ADRA1A: variants seen among roughly 807,000 people sequenced by gnomAD.
ADRA1A encodes alpha-1A adrenergic receptor.
A neutral mutation model predicts 29.6 loss-of-function variants in ADRA1A; 31 were observed. The ratio of observed to expected loss-of-function variants is 1.05; its 90% CI spans 0.79 to 1.41. The LOEUF (loss-of-function observed/expected upper bound fraction) is 1.41. ADRA1A is among the 40% of genes most tolerant of loss of function. The pLI, the probability that ADRA1A is intolerant of heterozygous loss-of-function variation, is 0.00. For missense variants in ADRA1A, 619 were observed against 601.1 expected, an observed-to-expected ratio of 1.03 and a Z score of -0.31; for synonymous variants, 311 against 254.3, an observed-to-expected ratio of 1.22 and a Z score of -2.12.
Position 26,770,639 on chromosome 8 carries a change from G to A in ADRA1A, c.911C>T (p.Ser304Phe). The change falls in exon 3 of 3, where the codon TCT (serine) becomes TTT (phenylalanine). Residue 304 changes from serine (S) to phenylalanine (F), a missense_variant. Ser to Phe is a radical substitution (Grantham distance 155, BLOSUM62 -2). Coordinates refer to ENST00000380573, the MANE Select transcript of ADRA1A (RefSeq NM_000680.4). The stretch of plus-strand genomic sequence containing the variant: ...AAATACTATTTTAAAAACTGTTTCA[G>A]AGGGCTTGAAATCAGGGAAGAAAGA... ...IGSFFPDFKPSETVFKIVFWL... is the reference protein window; with the variant it reads ...IGSFFPDFKPFETVFKIVFWL... 3 of 1,612,948 alleles carry A rather than the reference G, an allele frequency of 1.9e-6. No individual in the cohort carries two copies. Among genetic ancestry groups the A allele is most frequent in the Non-Finnish European group, 2.5e-6 (3 of 1,179,260 alleles).
At chr8:26,838,090 G>C (rs1811520875) in intron 2 of ADRA1A, among the ~76,000 whole-genome samples, 1 of 152,140 alleles carries the variant, frequency 6.6e-6, no homozygotes, top group Non-Finnish European at 1.5e-5. Context: ...CCAAGTAGTT[G>C]AGTACAAACC....
rs1327190674 is a variant in ADRA1A at position 26,866,772 on chromosome 8, CAGA to C, written c.-687+161_-687+163del. Among the ~76,000 whole-genome samples, 1 of 152,068 alleles carries C rather than the reference CAGA, an allele frequency of 6.6e-6. No individual in the cohort carries two copies. Among genetic ancestry groups the C allele is most frequent in the African/African-American group, 2.4e-5 (1 of 41,394 alleles). ...ACTTGTTCAGTAGAAGGCAACTTCG[CAGA>C]AGATGTAAGGGAATCGGGGGTGGGG... is the stretch of plus-strand genomic sequence containing the variant. On this transcript the variant is annotated intron_variant, in intron 1 of 2. Coordinates refer to ENST00000380573, the MANE Select transcript of ADRA1A (RefSeq NM_000680.4). This position sits in a 1 kb window ranked among gnomAD's most constrained non-coding sequence, Gnocchi z 5.7.
rs181722729 is a variant in ADRA1A, at chr8:26,842,348, G to T, written c.883+21739C>A. ...TTTCACTTAAACACCATCATTTCAG[G>T]CAAAATATGATCAATACTAAAGGTT... On this transcript the variant is annotated intron_variant, in intron 2 of 2. Coordinates refer to ENST00000380573, the MANE Select transcript of ADRA1A (RefSeq NM_000680.4). Among the ~76,000 whole-genome samples the T allele has an allele frequency of 5.3e-5, 8 of 152,186 alleles. No homozygotes were observed. In the East Asian group the frequency reaches 1.4e-3, roughly 26 times the overall value.
chr8:26,769,075 A>G lies in ADRA1A; in HGVS notation c.*1074T>C. The G allele has an allele frequency of 1.0e-6, 1 of 985,420 alleles. No homozygotes were observed. Among genetic ancestry groups the G allele is most frequent in the Non-Finnish European group, 1.2e-6 (1 of 829,902 alleles). The allele number at this position is 985,420 out of a possible 1,614,324, so 61.0% of individuals were successfully genotyped here. On this transcript the variant is annotated 3_prime_UTR_variant, in exon 3 of 3. Coordinates refer to ENST00000380573, the MANE Select transcript of ADRA1A (RefSeq NM_000680.4). ...TACTTGGATCATAAGGCTCATTCCA[A>G]CATGCCACAGGTGAAGCTCATTCAT...
intron 2 of ADRA1A, among the ~76,000 whole-genome samples, chr8:26,862,879 C>T (rs997965141): frequency 2.6e-5 from 4 of 152,146 alleles, no homozygotes; most frequent in African/African-American, 9.7e-5. Context: ...CTATCCTTGG[C>T]TGGTGGCTAT....
intron 2 of ADRA1A, among the ~76,000 whole-genome samples, chr8:26,843,432 C>T (rs1036216774): frequency 6.6e-6 from 1 of 152,164 alleles, no homozygotes; most frequent in African/African-American, 2.4e-5. Flanking sequence ...CATTTGTCCA[C>T]TTCTTCCCTT....
chr8:26,784,711 G>A lies in ADRA1A; in HGVS notation c.884-14045C>T, dbSNP rs761044801. ...CTGCCTTCAGAATGTGTTAGAACCT[G>A]GGGATCTGGCATGACTCTATTTTCC... On this transcript the variant is annotated intron_variant, in intron 2 of 2. Coordinates refer to ENST00000380573, the MANE Select transcript of ADRA1A (RefSeq NM_000680.4). Among the ~76,000 whole-genome samples the A allele has an allele frequency of 2.6e-5, 4 of 152,142 alleles. No individual in the cohort carries two copies. In the East Asian group the frequency reaches 7.7e-4, roughly 29 times the overall value.
At chr8:26,811,394 G>C (rs1427393587) in intron 2 of ADRA1A, among the ~76,000 whole-genome samples, 1 of 152,058 alleles carries the variant, frequency 6.6e-6, no homozygotes, top group East Asian at 1.9e-4. Context: ...GGGTTTCACC[G>C]TGTTAGCCAG....
At chr8:26,822,790 G>T (rs1177002786) in intron 2 of ADRA1A, among the ~76,000 whole-genome samples, 1 of 152,146 alleles carries the variant, frequency 6.6e-6, no homozygotes, top group Non-Finnish European at 1.5e-5. Context: ...TTCCGCTTCT[G>T]GGGAGATCTC....
intron 2 of ADRA1A, among the ~76,000 whole-genome samples, chr8:26,750,271 C>A (rs73556298): frequency 6.6e-6 from 1 of 151,994 alleles, no homozygotes; most frequent in Non-Finnish European, 1.5e-5. Flanking sequence ...GCATGATTTC[C>A]GCTCACTGCA....
intron 2 of ADRA1A, among the ~76,000 whole-genome samples, chr8:26,838,554 T>G (rs1009607483): frequency 6.6e-6 from 1 of 152,216 alleles, no homozygotes; most frequent in African/African-American, 2.4e-5. Context: ...CTGATTCAGG[T>G]TAGGCCTATG....
Position 26,770,368 on chromosome 8 carries a change from A to G in ADRA1A, c.1182T>C (p.Val394=), listed in dbSNP as rs367602642. The change falls in exon 3 of 3, where the codon GTT becomes GTC. Residue 394 remains valine (V), a synonymous_variant. Transcript: ENST00000380573. Reference sequence around the variant, plus strand: ...TGGAAGAGAAAAATTTCCATTCACAAACGCCATCCGTCTTGGAGATCCTGT... The same window carrying G: ...TGGAAGAGAAAAATTTCCATTCACAGACGCCATCCGTCTTGGAGATCCTGT... ...TFYRISKTDG[V]CEWKFFSSMP... is the part of the protein sequence containing the mutation. 22 of 1,614,038 alleles carry G rather than the reference A, an allele frequency of 1.4e-5. No individual in the cohort carries two copies. In the South Asian group the frequency reaches 2.3e-4, roughly 17 times the overall value.
At chr8:26,795,183 T>A (rs1585705469) in intron 2 of ADRA1A, among the ~76,000 whole-genome samples, 1 of 152,062 alleles carries the variant, frequency 6.6e-6, no homozygotes, top group African/African-American at 2.4e-5. Context: ...AAGAACAGAC[T>A]TATTGCTACT....
chr8:26,821,712 G>A lies in ADRA1A; in HGVS notation c.883+42375C>T, dbSNP rs1810182769. 6.6e-6 allele frequency among the ~76,000 whole-genome samples: 1 copy of A among 152,110 alleles called. No homozygotes were observed. Among genetic ancestry groups the A allele is most frequent in the Non-Finnish European group, 1.5e-5 (1 of 68,012 alleles). On this transcript the variant is annotated intron_variant, in intron 2 of 2. Coordinates refer to ENST00000380573, the MANE Select transcript of ADRA1A (RefSeq NM_000680.4). This position sits in a 1 kb window ranked among gnomAD's most constrained non-coding sequence, Gnocchi z 5.6. Reference sequence around the variant, plus strand: ...CAGAATAGTTCCATCCTGGCAAGGAGCTCTCAAATAGTCCTTTTATAGCCA... The same window carrying A: ...CAGAATAGTTCCATCCTGGCAAGGAACTCTCAAATAGTCCTTTTATAGCCA...
rs567994648 is a variant in ADRA1A, at chr8:26,807,217, C to A, written c.884-36551G>T. ...TTTGGGCCCTGGGCAAGCCACTGAG[C>A]TCTGCTAGTCTCCCCTTCTTTATCA... is the stretch of plus-strand genomic sequence containing the variant. On this transcript the variant is annotated intron_variant, in intron 2 of 2. Coordinates refer to ENST00000380573, the MANE Select transcript of ADRA1A (RefSeq NM_000680.4). Among the ~76,000 whole-genome samples the A allele has an allele frequency of 3.3e-5, 5 of 152,274 alleles. No homozygotes were observed. In the East Asian group the frequency reaches 7.7e-4, roughly 23 times the overall value.
downstream of ADRA1A, among the ~76,000 whole-genome samples, chr8:26,765,117 C>A (rs1442208401): frequency 6.6e-6 from 1 of 152,202 alleles, no homozygotes; most frequent in Non-Finnish European, 1.5e-5. Flanking sequence ...CTGCTTTAAG[C>A]GACGTCTATG....
At position 26,805,912 on chromosome 8, in the gene ADRA1A, C is replaced by A. The variant is rs992452811; in HGVS notation, c.884-35246G>T. Among the ~76,000 whole-genome samples, 3 of 152,110 alleles carry A rather than the reference C, an allele frequency of 2.0e-5. No individual in the cohort carries two copies. The highest frequency in any genetic ancestry group is 7.2e-5 in the African/African-American group (3 of 41,424). Reference sequence around the variant, plus strand: ...AAGACACAGCTTATCAGAGCCTGTGCCCCCTTCCCCCTAGGCATCTTCTAT... The same window carrying A: ...AAGACACAGCTTATCAGAGCCTGTGACCCCTTCCCCCTAGGCATCTTCTAT... On this transcript the variant is annotated intron_variant, in intron 2 of 2. Transcript: ENST00000380573. The surrounding 1 kb of genome is among the most constrained non-coding windows in gnomAD (Gnocchi z 4.8).
chr8:26,781,951 G>A (rs1283839091), intron 2 of ADRA1A, among the ~76,000 whole-genome samples: 1 of 152,204 alleles, frequency 6.6e-6, no homozygotes, highest in Non-Finnish European at 1.5e-5. Context: ...AGGTGAACAG[G>A]GGAGCAGGAA....
intron 2 of ADRA1A, among the ~76,000 whole-genome samples, chr8:26,859,491 T>C (rs562110): frequency 0.88 from 134,103 of 152,238 alleles, 59,861 homozygotes; most frequent in Non-Finnish European, 0.95. Context: ...ACCTATGTCA[T>C]AGACTTGCAA....
Sources: gnomAD v4.1 joint callset for allele counts (sites outside exome capture counted in the v4.1 genomes callset) on GRCh38, gnomAD v4.1.1 for gene constraint, Gnocchi (gnomAD v3.1) non-coding constraint, MANE v1.5 for transcripts, NCBI Gene and HGNC (gene_info 2026-07-23, HGNC 2026-07-21) for gene names.